ERLIN2: variants seen among roughly 807,000 people sequenced by gnomAD.
ERLIN2 encodes ER lipid raft associated 2, also known as erlin-2.
Under a neutral mutation model 41.5 loss-of-function variants are expected in ERLIN2, and 22 were observed. That is an observed-to-expected ratio of 0.53 (90% CI 0.38 to 0.76). The LOEUF (loss-of-function observed/expected upper bound fraction) is 0.76. Ranked by LOEUF, ERLIN2 falls within the 30% of genes least tolerant of loss-of-function variation. The probability of loss-of-function intolerance (pLI) is 0.00; values close to 1 mark genes in which losing one functional copy is unlikely to be tolerated. For synonymous variants in ERLIN2, 149 were observed against 150.9 expected, an observed-to-expected ratio of 0.99 and a Z score of 0.09; for missense variants, 247 against 414.3, an observed-to-expected ratio of 0.60 and a Z score of 3.51.
In ERLIN2 at chr8:37,754,135, C is replaced by A. The variant is rs750160603; in HGVS notation, c.*20C>A. The stretch of plus-strand genomic sequence containing the variant: ...AATTGAAAAAAACTTGATATGACTG[C>A]AAATGATACTTAAGCAGATCTTTAT... On this transcript the variant is annotated 3_prime_UTR_variant, in exon 12 of 12. Transcript: ENST00000519638. The A allele has an allele frequency of 6.6e-7, 1 of 1,518,532 alleles. No individual in the cohort carries two copies. Among genetic ancestry groups the A allele is most frequent in the South Asian group, 1.1e-5 (1 of 88,956 alleles). 94.1% of individuals were successfully genotyped at this position (1,518,532 alleles called of 1,614,324 possible).
At chr8:37,749,028 A>G in intron 6 of ERLIN2, among the ~76,000 whole-genome samples, 1 of 152,244 alleles carries the variant, frequency 6.6e-6, no homozygotes, top group East Asian at 1.9e-4. Flanking sequence ...TGGAGTTCCT[A>G]ATAGAAACAG....
At position 37,736,651 on chromosome 8, in the gene ERLIN2, AGTACGGAGCGCCTGCAGGGACAGCCTG is replaced by A; in HGVS notation, c.-37_-16+5del. The A allele has an allele frequency of 3.0e-6, 3 of 985,756 alleles. No individual in the cohort carries two copies. Among genetic ancestry groups the A allele is most frequent in the Non-Finnish European group, 3.6e-6 (3 of 830,120 alleles). 61.1% of individuals were successfully genotyped at this position (985,756 alleles called of 1,614,324 possible). The stretch of plus-strand genomic sequence containing the variant: ...GTTTTCTTGCTCGTGGGCTCGGACG[AGTACGGAGCGCCTGCAGGGACAGCCTG>A]GTACGCGGCCCCCGCCCCTTCGTGC... On this transcript the variant is annotated splice_region_variant and 5_prime_UTR_variant, in exon 1 of 12. Transcript: ENST00000519638.
Position 37,749,788 on chromosome 8 carries a change from C to A in ERLIN2, c.499-6C>A, listed in dbSNP as rs1484878740. On this transcript the variant is annotated splice_region_variant and splice_polypyrimidine_tract_variant and intron_variant, in intron 7 of 11. Transcript: ENST00000519638. ...CCCATCAGCTGCTGTTTTAATCTCTCTCCAGGCTGTGCGGGTAACAAAGCC... is the reference window on the plus strand; with the variant it reads ...CCCATCAGCTGCTGTTTTAATCTCTATCCAGGCTGTGCGGGTAACAAAGCC... 1 of 1,613,968 alleles carries A rather than the reference C, an allele frequency of 6.2e-7. No homozygotes were observed.
intron 6 of ERLIN2, chr8:37,745,558 C>G (rs1803014101): frequency 6.2e-7 from 1 of 1,613,504 alleles, no homozygotes; most frequent in Non-Finnish European, 8.5e-7. Flanking sequence ...TATAACTGTT[C>G]TTGACACTAG....
At chr8:37,738,131 T>C in intron 2 of ERLIN2, 102 bp downstream of exon 2, 1 of 1,392,896 alleles carries the variant, frequency 7.2e-7, no homozygotes, top group Non-Finnish European at 1.0e-6. Flanking sequence ...CTATTTATAT[T>C]TCCTTGAATA....
intron 6 of ERLIN2, among the ~76,000 whole-genome samples, chr8:37,746,962 A>G (rs1201605649): frequency 2.0e-5 from 3 of 152,230 alleles, no homozygotes; most frequent in Non-Finnish European, 4.4e-5. Flanking sequence ...GTACCATAAT[A>G]TTTTGTCCAA....
At position 37,736,640 on chromosome 8, in the gene ERLIN2, G is replaced by T; in HGVS notation, c.-54G>T. 1 of 986,064 alleles carries T rather than the reference G, an allele frequency of 1.0e-6. No individual in the cohort carries two copies. 61.1% of individuals were successfully genotyped at this position (986,064 alleles called of 1,614,324 possible). A position where few individuals can be genotyped will look rare whatever the true frequency, so the allele number is the denominator to read the frequency against. ...GGGGTGTGACGGTTTTCTTGCTCGT[G>T]GGCTCGGACGAGTACGGAGCGCCTG... On this transcript the variant is annotated 5_prime_UTR_variant, in exon 1 of 12. Transcript: ENST00000519638.
chr8:37,741,777 A>G lies in ERLIN2; in HGVS notation c.195A>G (p.Thr65=). 5.6e-6 allele frequency: 9 copies of G among 1,613,334 alleles called. No individual in the cohort carries two copies. The highest frequency in any genetic ancestry group is 7.6e-6 in the Non-Finnish European group (9 of 1,179,306). ...FITSYKSVQT[T]LQTDEVKNVP... ...TATGTTTCCTCTGTTTCCAGACCAC[A>G]CTCCAGACAGATGAGGTGAAGAATG... The change falls in exon 4 of 12, where the codon ACA becomes ACG. Residue 65 remains threonine (T), a synonymous_variant. Transcript: ENST00000519638. The surrounding 1 kb of genome is among the most constrained non-coding windows in gnomAD (Gnocchi z 4.8).
At chr8:37,751,780 G>A in intron 10 of ERLIN2, 65 bp downstream of exon 10, 1 of 1,235,970 alleles carries the variant, frequency 8.1e-7, no homozygotes, top group African/African-American at 1.5e-5. Flanking sequence ...AGTGGGTTGG[G>A]GAGCCATTGC....
At position 37,752,990 on chromosome 8, in the gene ERLIN2, C is replaced by G. The variant is rs971914071; in HGVS notation, c.740-460C>G. Among the ~76,000 whole-genome samples the G allele has an allele frequency of 2.6e-5, 4 of 152,154 alleles. 1 individual carries two copies. Among genetic ancestry groups the G allele is most frequent in the Admixed American group, 2.0e-4 (3 of 15,282 alleles). On this transcript the variant is annotated intron_variant, in intron 10 of 11. Coordinates refer to ENST00000519638, the MANE Select transcript of ERLIN2 (RefSeq NM_007175.8). The stretch of plus-strand genomic sequence containing the variant: ...GTTTTAGGGTGGATCGACCTCTGAC[C>G]GTACTTAGAGCCACCTTTGAGCTTT...
chr8:37,753,216 A>T (rs1418714481), intron 10 of ERLIN2, among the ~76,000 whole-genome samples: 2 of 152,244 alleles, frequency 1.3e-5, no homozygotes, highest in South Asian at 4.1e-4. Flanking sequence ...TGTCCTTGTC[A>T]TAGGGAGATG....
At chr8:37,751,822 T>A (rs1489671485) in intron 10 of ERLIN2, 107 bp downstream of exon 10, 2 of 834,466 alleles carry the variant, frequency 2.4e-6, no homozygotes, top group Non-Finnish European at 4.1e-6. Context: ...AAGGATGTCA[T>A]GATCTCTGTG....
chr8:37,738,182 C>T (rs998411302), intron 2 of ERLIN2, among the ~76,000 whole-genome samples, 153 bp downstream of exon 2: 1 of 152,090 alleles, frequency 6.6e-6, no homozygotes, highest in Non-Finnish European at 1.5e-5. Context: ...TCAGTAACCA[C>T]GGGAAAGAGA....
chr8:37,739,561 C>T (rs563377343), intron 2 of ERLIN2, among the ~76,000 whole-genome samples: 4 of 151,784 alleles, frequency 2.6e-5, no homozygotes, highest in South Asian at 2.1e-4. Context: ...CTGCAACCTC[C>T]GCCTCCCAGG....
intron 6 of ERLIN2, chr8:37,746,317 G>A: frequency 2.0e-6 from 2 of 985,380 alleles, no homozygotes; most frequent in Non-Finnish European, 2.4e-6. Flanking sequence ...CTTTGCCCAT[G>A]TTATTAAAGT....
At chr8:37,751,891 G>A (rs1052831516) in intron 10 of ERLIN2, among the ~76,000 whole-genome samples, 176 bp downstream of exon 10, 4 of 152,224 alleles carry the variant, frequency 2.6e-5, no homozygotes, top group Non-Finnish European at 5.9e-5. Flanking sequence ...GGCCAGGCTA[G>A]CATCTGTTTT....
intron 6 of ERLIN2, chr8:37,747,263 T>G: frequency 3.8e-6 from 3 of 788,542 alleles, no homozygotes. Context: ...AACCAGTCTA[T>G]GTAATCAAGA....
Position 37,744,661 on chromosome 8 carries a change from T to C in ERLIN2, c.389T>C (p.Val130Ala), listed in dbSNP as rs371713211. Residue 130 changes from valine (V) to alanine (A), a missense_variant, in exon 6 of 12, where the codon GTG (valine) becomes GCG (alanine). Around this residue, in one of 3 missense-constraint regions of ERLIN2, gnomAD observed 153 missense variants for 256.4 expected, o/e 0.60. Transcript: ENST00000519638. ...CACGAACTGAACCAGTTCTGCAGTGTGCACACGCTTCAAGAGGTCTACATT... is the reference window on the plus strand; with the variant it reads ...CACGAACTGAACCAGTTCTGCAGTGCGCACACGCTTCAAGAGGTCTACATT... ...IHHELNQFCSVHTLQEVYIEL... is the reference protein window; with the variant it reads ...IHHELNQFCSAHTLQEVYIEL... 8.1e-6 allele frequency: 13 copies of C among 1,614,076 alleles called. No homozygotes were observed. The highest frequency in any genetic ancestry group is 1.1e-5 in the Non-Finnish European group (13 of 1,180,034).
intron 2 of ERLIN2, among the ~76,000 whole-genome samples, chr8:37,738,759 C>G (rs1189448634): frequency 6.6e-6 from 1 of 152,046 alleles, no homozygotes. Context: ...GCAGCACGTG[C>G]CTGTAATCCC....
Sources: allele counts gnomAD v4.1 joint callset (sites outside exome capture counted in the v4.1 genomes callset), GRCh38; gene constraint gnomAD v4.1.1; regional missense constraint gnomAD v4.1.1; non-coding constraint Gnocchi (gnomAD v3.1); transcripts MANE v1.5; gene names NCBI Gene and HGNC (gene_info 2026-07-23, HGNC 2026-07-21).